The following IL15 variants were observed in gnomAD, a reference collection of about 807,000 sequenced individuals.
IL15 encodes the protein interleukin-15.
A neutral mutation model predicts 19.6 loss-of-function variants in IL15; 11 were observed. The observed-to-expected ratio is 0.56, with a 90% CI of 0.35 to 0.93. The LOEUF is 0.93. IL15 is among the 40% of genes least tolerant of loss of function. The pLI, the probability that IL15 is intolerant of heterozygous loss-of-function variation, is 0.01. For missense variants in IL15, 197 were observed against 186.5 expected, an observed-to-expected ratio of 1.06 and a Z score of -0.33; for synonymous variants, 58 against 59.6, an observed-to-expected ratio of 0.97 and a Z score of 0.12.
chr4:141,692,001 AT>A (rs1364542527), intron 2 of IL15, among the ~76,000 whole-genome samples: 2 of 152,212 alleles, frequency 1.3e-5, no homozygotes, highest in Admixed American at 1.3e-4. Context: ...TTCTGTGTTG[AT>A]GTCTAGGCAT....
chr4:141,659,992 A>G lies in IL15; in HGVS notation c.-100+3685A>G, dbSNP rs114567495. ...TGTCAGGATTTAGGTGGAATTAAAG[A>G]CCTCAAGTATCTCTTTCAATTTGCA... On this transcript the variant is annotated intron_variant, in intron 2 of 7. Transcript: ENST00000320650. 1.6e-3 allele frequency among the ~76,000 whole-genome samples: 244 copies of G among 152,162 alleles called. 2 individuals are homozygous for G. The highest frequency in any genetic ancestry group is 5.7e-3 in the African/African-American group (235 of 41,510).
chr4:141,695,492 G>A (rs1729062492), intron 2 of IL15, among the ~76,000 whole-genome samples: 1 of 151,814 alleles, frequency 6.6e-6, no homozygotes, highest in Non-Finnish European at 1.5e-5. Context: ...GGAGACTTAA[G>A]GTTGTTTCCA....
At chr4:141,649,319 G>A (rs1519551) in intron 1 of IL15, among the ~76,000 whole-genome samples, 84,055 of 151,844 alleles carry the variant, frequency 0.55, 23,612 homozygotes, top group East Asian at 0.85. Context: ...TCCCAAGTAC[G>A]TTAACATATG....
chr4:141,730,104 T>C, intron 7 of IL15, 120 bp downstream of exon 7: 1 of 790,782 alleles, frequency 1.3e-6, no homozygotes, highest in Non-Finnish European at 2.2e-6. Flanking sequence ...CCTGTTCCAG[T>C]GGAGTGGTGT....
intron 5 of IL15, among the ~76,000 whole-genome samples, chr4:141,724,376 C>G (rs1730190584): frequency 6.6e-6 from 1 of 151,700 alleles, no homozygotes; most frequent in Admixed American, 6.6e-5. Flanking sequence ...GGAGAATTAT[C>G]AAATCAAAAA....
At chr4:141,681,042 G>A (rs908955819) in intron 2 of IL15, among the ~76,000 whole-genome samples, 2 of 151,986 alleles carry the variant, frequency 1.3e-5, no homozygotes, top group Non-Finnish European at 2.9e-5. Flanking sequence ...ACCTGCTGAC[G>A]TCTATATATT....
chr4:141,720,523 A>G lies in IL15; in HGVS notation c.67A>G (p.Ser23Gly), dbSNP rs752021712. The G allele has an allele frequency of 6.9e-6, 11 of 1,602,280 alleles. No individual in the cohort carries two copies. The highest frequency in any genetic ancestry group is 9.4e-6 in the Non-Finnish European group (11 of 1,169,726). ...IQCYLCLLLN[S>G]HFLTEAGIHV... is the part of the protein sequence containing the mutation. ...GTGCTACTTGTGTTTACTTCTAAAC[A>G]GTCATTTTCTAACTGAAGCTGGCAT... Residue 23 changes from serine (S) to glycine (G), a missense_variant, in exon 4 of 8, where the codon AGT (serine) becomes GGT (glycine). Transcript: ENST00000320650.
chr4:141,732,293 A>C (rs1360406645), intron 7 of IL15, among the ~76,000 whole-genome samples: 1 of 152,226 alleles, frequency 6.6e-6, no homozygotes, highest in Non-Finnish European at 1.5e-5. Flanking sequence ...GCAGAGAGGC[A>C]TCTAATAGTA....
chr4:141,725,474 C>T (rs1340556084), intron 5 of IL15, among the ~76,000 whole-genome samples: 1 of 152,112 alleles, frequency 6.6e-6, no homozygotes, highest in Non-Finnish European at 1.5e-5. Context: ...AGGGAGGACT[C>T]CAAAGAAACC....
At chr4:141,722,126 A>G in intron 5 of IL15, 118 bp downstream of exon 5, 2 of 1,256,466 alleles carry the variant, frequency 1.6e-6, no homozygotes, top group Non-Finnish European at 2.1e-6. Flanking sequence ...TTTTGTAGAA[A>G]TTTATGATCT....
rs10530521 is a variant in IL15 at position 141,666,081 on chromosome 4, ATTATTTAT to A, written c.-100+9801_-100+9808del. 6.8e-3 allele frequency among the ~76,000 whole-genome samples: 982 copies of A among 143,386 alleles called. 13 individuals are homozygous for A. The highest frequency in any genetic ancestry group is 0.019 in the African/African-American group (753 of 39,430). 94.1% of individuals were successfully genotyped at this position (143,386 alleles called of 152,430 possible). ...TCTCTCAGACTCATCCTTTTTATTT[ATTATTTAT>A]TTATTTATTTATTTATTTATTTATT... is the stretch of plus-strand genomic sequence containing the variant. On this transcript the variant is annotated intron_variant, in intron 2 of 7. Transcript: ENST00000320650.
chr4:141,661,874 A>T (rs1727802313), intron 2 of IL15, among the ~76,000 whole-genome samples: 2 of 152,214 alleles, frequency 1.3e-5, no homozygotes, highest in South Asian at 4.2e-4. Flanking sequence ...ACCCCTCAAT[A>T]AAATACTTTT....
chr4:141,688,648 C>G (rs536495259), intron 2 of IL15, among the ~76,000 whole-genome samples: 1 of 149,530 alleles, frequency 6.7e-6, no homozygotes, highest in East Asian at 1.9e-4. Flanking sequence ...CTTTGGAACT[C>G]ATGGTTTTAG....
At chr4:141,675,421 T>TA (rs1436277444) in intron 2 of IL15, among the ~76,000 whole-genome samples, 1 of 152,186 alleles carries the variant, frequency 6.6e-6, no homozygotes, top group African/African-American at 2.4e-5. Flanking sequence ...CTCCTGTTGG[T>TA]AATGAGGTGA....
At chr4:141,668,697 C>A (rs1728073799) in intron 2 of IL15, among the ~76,000 whole-genome samples, 1 of 152,188 alleles carries the variant, frequency 6.6e-6, no homozygotes, top group African/African-American at 2.4e-5. Flanking sequence ...GATATGCCAA[C>A]TTGCATCACA....
intron 2 of IL15, among the ~76,000 whole-genome samples, chr4:141,669,895 GA>G (rs1178802868): frequency 1.3e-5 from 2 of 151,574 alleles, no homozygotes; most frequent in Non-Finnish European, 2.9e-5. Context: ...ATTGGGTCTA[GA>G]AATCTAGATT....
chr4:141,700,011 C>A (rs990228824), intron 2 of IL15, among the ~76,000 whole-genome samples: 2 of 151,804 alleles, frequency 1.3e-5, no homozygotes, highest in African/African-American at 2.4e-5. Context: ...CCCCATCTCC[C>A]GGGTTCAGGC....
intron 2 of IL15, among the ~76,000 whole-genome samples, chr4:141,685,092 A>G (rs1427043835): frequency 6.6e-6 from 1 of 152,122 alleles, no homozygotes; most frequent in Non-Finnish European, 1.5e-5. Flanking sequence ...CATTTATTAA[A>G]CTTCTGTCAT....
intron 2 of IL15, among the ~76,000 whole-genome samples, chr4:141,660,634 G>C (rs753569678): frequency 2.6e-5 from 4 of 152,116 alleles, no homozygotes; most frequent in East Asian, 1.9e-4. Flanking sequence ...TTCTGGTTTT[G>C]CTTGTTTACC....
Sources: gnomAD v4.1 joint callset for allele counts (sites outside exome capture counted in the v4.1 genomes callset) on GRCh38, gnomAD v4.1.1 for gene constraint, MANE v1.5 for transcripts, NCBI Gene and HGNC (gene_info 2026-07-23, HGNC 2026-07-21) for gene names.